ZNF875: variants seen among roughly 807,000 people sequenced by gnomAD.
ZNF875 encodes the protein zinc finger protein 875.
In ZNF875, 14 loss-of-function variants were observed where a neutral mutation model predicts 11.2. The observed-to-expected ratio is 1.26, with a 90% CI of 0.83 to 1.96. ZNF875 has a LOEUF of 1.96. ZNF875 is among the 30% of genes most tolerant of loss of function. The pLI is 0.00. For synonymous variants in ZNF875, 301 were observed against 281.1 expected, an observed-to-expected ratio of 1.07 and a Z score of -0.71; for missense variants, 752 against 760.4, an observed-to-expected ratio of 0.99 and a Z score of 0.13.
intron 4 of ZNF875, chr19:37,357,846 C>T (rs1001024390): frequency 3.3e-5 from 13 of 396,400 alleles, no homozygotes; most frequent in African/African-American, 2.7e-4. Flanking sequence ...TCCCTCTTTT[C>T]CTATTTGGAT....
chr19:37,333,180 C>T (rs1212190547), upstream of ZNF875, among the ~76,000 whole-genome samples: 1 of 152,274 alleles, frequency 6.6e-6, no homozygotes, highest in South Asian at 2.1e-4. Context: ...TCCCTTTGTA[C>T]ACCTACATCT....
chr19:37,337,151 C>T (rs1041265810), intron 2 of ZNF875: 3 of 136,794 alleles, frequency 2.2e-5, no homozygotes, highest in Non-Finnish European at 4.5e-5. Flanking sequence ...ATCATTTGGA[C>T]GTGACCTTCA....
chr19:37,344,470 C>T (rs2036380992), intron 2 of ZNF875: 1 of 509,710 alleles, frequency 2.0e-6, no homozygotes, highest in African/African-American at 1.9e-5. Flanking sequence ...TAATCTGTGC[C>T]CATGTTTCTG....
At chr19:37,325,297 G>T (rs967005955) in intron 4 of ZNF875, among the ~76,000 whole-genome samples, 1 of 152,016 alleles carries the variant, frequency 6.6e-6, no homozygotes, top group African/African-American at 2.4e-5. Flanking sequence ...TGTGTCTGTC[G>T]CTTCCCTCCA....
chr19:37,333,925 A>C (rs1038744829), upstream of ZNF875, among the ~76,000 whole-genome samples: 1 of 151,022 alleles, frequency 6.6e-6, no homozygotes, highest in Non-Finnish European at 1.5e-5. Flanking sequence ...CCTCCACCCC[A>C]CCCTCCGGAA....
At chr19:37,331,186 CAAAAAAAAAAAAA>C (rs71177440), upstream of ZNF875, among the ~76,000 whole-genome samples, 4 of 74,778 alleles carry the variant, frequency 5.3e-5, no homozygotes, top group Admixed American at 9.1e-4. Context: ...GACTCTGTCT[CAAAAAAAAAAAAA>C]AAAAAAAGTG....
chr19:37,353,809 G>A (rs977550581), intron 4 of ZNF875, among the ~76,000 whole-genome samples: 3 of 151,958 alleles, frequency 2.0e-5, no homozygotes, highest in Non-Finnish European at 4.4e-5. Flanking sequence ...AGATTTTCTC[G>A]TTATCTTTGG....
intron 4 of ZNF875, among the ~76,000 whole-genome samples, chr19:37,352,619 C>A (rs187584494): frequency 6.6e-6 from 1 of 151,954 alleles, no homozygotes; most frequent in African/African-American, 2.4e-5. Flanking sequence ...TTTTTATTTG[C>A]GTCTTTGTAT....
chr19:37,346,932 C>T (rs534663118), intron 2 of ZNF875: 18 of 364,068 alleles, frequency 4.9e-5, no homozygotes, highest in South Asian at 4.1e-4. Context: ...GGCGCAATCT[C>T]GGCTTACCGC....
At chr19:37,318,158 C>T (rs1162900064) in exon 1 of ZNF875, 1 of 153,842 alleles carries the variant, frequency 6.5e-6, no homozygotes, top group African/African-American at 2.4e-5. Context: ...GTTTCCTGAC[C>T]TCTGACACGT....
chr19:37,335,583 G>A (rs917172094), intron 2 of ZNF875, among the ~76,000 whole-genome samples: 7 of 152,280 alleles, frequency 4.6e-5, no homozygotes, highest in African/African-American at 2.4e-5. Context: ...CAACCCTCCC[G>A]TATTTATTGG....
At chr19:37,354,250 C>CCTCCCCTCCTCTCCCCTCCT (rs2038489129) in intron 4 of ZNF875, among the ~76,000 whole-genome samples, 1 of 43,072 alleles carries the variant, frequency 2.3e-5, no homozygotes, top group African/African-American at 1.0e-4. Context: ...CCTCCTCTCC[C>CCTCCCCTCCTCTCCCCTCCT]CTCCCCTCCC....
chr19:37,353,854 C>T (rs1205813254), intron 4 of ZNF875, among the ~76,000 whole-genome samples: 2 of 152,054 alleles, frequency 1.3e-5, no homozygotes, highest in Non-Finnish European at 1.5e-5. Flanking sequence ...TTCTATGAGC[C>T]GTTTTCTTTG....
At chr19:37,338,825 G>C (rs1328440653) in intron 2 of ZNF875, among the ~76,000 whole-genome samples, 1 of 152,160 alleles carries the variant, frequency 6.6e-6, no homozygotes, top group Non-Finnish European at 1.5e-5. Flanking sequence ...TGTTTCAGGA[G>C]CGTTGGGTAG....
intron 2 of ZNF875, among the ~76,000 whole-genome samples, chr19:37,340,791 G>C (rs1048581845): frequency 4.0e-5 from 6 of 151,706 alleles, no homozygotes; most frequent in Non-Finnish European, 8.8e-5. Context: ...TGGGACTACA[G>C]GTGCCGACCA....
At chr19:37,321,588 CTATACTT>C (rs1162412272) in intron 1 of ZNF875, among the ~76,000 whole-genome samples, 1 of 152,154 alleles carries the variant, frequency 6.6e-6, no homozygotes, top group East Asian at 1.9e-4. Context: ...TTTTCTTTCT[CTATACTT>C]TGTCTCTGTG....
upstream of ZNF875, among the ~76,000 whole-genome samples, chr19:37,331,723 T>G (rs1568572850): frequency 6.8e-6 from 1 of 147,680 alleles, no homozygotes; most frequent in African/African-American, 2.5e-5. Flanking sequence ...AAGCCAGGTA[T>G]TGTCCAAGGT....
At chr19:37,359,748 C>T in intron 4 of ZNF875, 2 of 185,572 alleles carry the variant, frequency 1.1e-5, no homozygotes, top group South Asian at 7.9e-5. Context: ...TAGTAAAATG[C>T]CTATTCAATT....
upstream of ZNF875, chr19:37,315,355 T>C (rs1168837758): frequency 1.3e-5 from 2 of 152,204 alleles, no homozygotes; most frequent in Non-Finnish European, 2.9e-5. Flanking sequence ...CAGTTTGTAA[T>C]GTGGGGTTTT....
Sources: gnomAD v4.1 joint callset for allele counts (sites outside exome capture counted in the v4.1 genomes callset) on GRCh38, gnomAD v4.1.1 for gene constraint, MANE v1.5 for transcripts, NCBI Gene and HGNC (gene_info 2026-07-23, HGNC 2026-07-21) for gene names.